The following ARK2N variants were observed in gnomAD, a reference collection of about 807,000 sequenced individuals.
ARK2N encodes arkadia (RNF111) N-terminal like PKA signaling regulator 2N.
chr18:46,189,095 A>T, the ARK2N span, among the ~76,000 whole-genome samples: 8 of 151,964 alleles, frequency 5.3e-5, no homozygotes, highest in African/African-American at 1.2e-4. Context: ...GGTGCCTCTA[A>T]TACCAGCTAC....
the ARK2N span, chr18:46,215,937 A>C: frequency 1.2e-6 from 2 of 1,614,166 alleles, no homozygotes; most frequent in Non-Finnish European, 8.5e-7. Flanking sequence ...CCGAAGCCCC[A>C]CCAAAAGCAT....
At chr18:46,252,416 A>G in the ARK2N span, among the ~76,000 whole-genome samples, 1 of 151,948 alleles carries the variant, frequency 6.6e-6, no homozygotes, top group African/African-American at 2.4e-5. Flanking sequence ...AGCTGGGACT[A>G]CAGGCATGCC....
At chr18:46,261,900 T>C in the ARK2N span, among the ~76,000 whole-genome samples, 5 of 152,214 alleles carry the variant, frequency 3.3e-5, no homozygotes. Flanking sequence ...CCTAATGTTC[T>C]TTTGAATCTG....
chr18:46,262,795 G>A, the ARK2N span: 1 of 853,276 alleles, frequency 1.2e-6, no homozygotes, highest in Non-Finnish European at 1.8e-6. Context: ...GAAGGATATT[G>A]ATTGTGGGTT....
the ARK2N span, among the ~76,000 whole-genome samples, chr18:46,246,164 G>A: frequency 1.3e-5 from 2 of 152,114 alleles, no homozygotes; most frequent in Admixed American, 1.3e-4. Context: ...GAACCTCATA[G>A]CATCTTTGGC....
chr18:46,211,539 G>A, the ARK2N span, among the ~76,000 whole-genome samples: 1 of 152,148 alleles, frequency 6.6e-6, no homozygotes, highest in Non-Finnish European at 1.5e-5. Flanking sequence ...TGTGAAAGAC[G>A]AGCATGATAC....
chr18:46,238,296 A>G, the ARK2N span, among the ~76,000 whole-genome samples: 2 of 152,318 alleles, frequency 1.3e-5, no homozygotes, highest in African/African-American at 4.8e-5. Flanking sequence ...AAGCCCTTAA[A>G]AAATAGAACA....
the ARK2N span, among the ~76,000 whole-genome samples, chr18:46,244,334 TTAAA>T: frequency 2.0e-5 from 3 of 152,144 alleles, no homozygotes; most frequent in African/African-American, 7.2e-5. Flanking sequence ...AGTTAAAACT[TTAAA>T]TACCTTATCT....
chr18:46,178,014 C>G, the ARK2N span, among the ~76,000 whole-genome samples: 1 of 152,164 alleles, frequency 6.6e-6, no homozygotes, highest in Non-Finnish European at 1.5e-5. Context: ...TGAATAAGAC[C>G]AACAAGGCCA....
At chr18:46,244,025 G>A in the ARK2N span, among the ~76,000 whole-genome samples, 1 of 152,180 alleles carries the variant, frequency 6.6e-6, no homozygotes, top group Non-Finnish European at 1.5e-5. Flanking sequence ...AATTTTGCCA[G>A]AGCGTAGAAA....
At chr18:46,196,231 C>T in the ARK2N span, among the ~76,000 whole-genome samples, 46 of 151,974 alleles carry the variant, frequency 3.0e-4, no homozygotes, top group African/African-American at 1.0e-3. Flanking sequence ...CCACCCGCCT[C>T]GGCCTCCCAA....
At chr18:46,236,359 C>T in the ARK2N span, among the ~76,000 whole-genome samples, 16 of 152,272 alleles carry the variant, frequency 1.1e-4, no homozygotes, top group East Asian at 3.1e-3. Flanking sequence ...GTGATTGTAA[C>T]AGCAAACATT....
At chr18:46,183,200 G>A in the ARK2N span, among the ~76,000 whole-genome samples, 1 of 152,064 alleles carries the variant, frequency 6.6e-6, no homozygotes, top group African/African-American at 2.4e-5. Flanking sequence ...TTTGTAATCT[G>A]TAGGTTCCCC....
the ARK2N span, among the ~76,000 whole-genome samples, chr18:46,201,667 T>A: frequency 6.6e-6 from 1 of 152,142 alleles, no homozygotes; most frequent in Admixed American, 6.5e-5. Flanking sequence ...AAGCCCTCTG[T>A]TGGCAGGTGT....
the ARK2N span, among the ~76,000 whole-genome samples, chr18:46,240,979 A>G: frequency 6.6e-6 from 1 of 152,236 alleles, no homozygotes; most frequent in Non-Finnish European, 1.5e-5. Flanking sequence ...TGCAGTGTAT[A>G]ATTTCTTCAG....
chr18:46,192,019 T>C, the ARK2N span, among the ~76,000 whole-genome samples: 1 of 152,236 alleles, frequency 6.6e-6, no homozygotes, highest in Admixed American at 6.5e-5. Context: ...TTCCATTGTC[T>C]GGATGACCAC....
chr18:46,177,046 C>T, the ARK2N span, among the ~76,000 whole-genome samples: 22 of 152,230 alleles, frequency 1.4e-4, no homozygotes, highest in Non-Finnish European at 3.1e-4. Context: ...CAACTGCACC[C>T]GGCCTAAATG....
chr18:46,219,695 C>T, the ARK2N span, among the ~76,000 whole-genome samples: 4 of 152,148 alleles, frequency 2.6e-5, no homozygotes, highest in Non-Finnish European at 5.9e-5. Flanking sequence ...TGGTCTTGAT[C>T]TCCTGACCTT....
the ARK2N span, among the ~76,000 whole-genome samples, chr18:46,197,513 C>T: frequency 6.6e-6 from 1 of 152,186 alleles, no homozygotes; most frequent in Non-Finnish European, 1.5e-5. Flanking sequence ...GGATTACAGG[C>T]GTGAGCCACC....
Sources: allele counts gnomAD v4.1 joint callset (sites outside exome capture counted in the v4.1 genomes callset), GRCh38; gene constraint gnomAD v4.1.1; transcripts MANE v1.5; gene names NCBI Gene and HGNC (gene_info 2026-07-23, HGNC 2026-07-21).